Variants in KIAA1217 observed in about 807,000 individuals in gnomAD.
The protein encoded by KIAA1217 is sickle tail protein homolog.
KIAA1217 carries 88 observed loss-of-function variants against 163.9 expected under a neutral mutation model. The observed-to-expected ratio is 0.54, with a 90% CI of 0.45 to 0.64. The LOEUF (loss-of-function observed/expected upper bound fraction) is 0.64. Among genes scored for constraint, KIAA1217 ranks in the 30% least tolerant of loss-of-function variants. The probability of loss-of-function intolerance (pLI) is 0.00; values close to 1 mark genes in which losing one functional copy is unlikely to be tolerated. For synonymous variants in KIAA1217, 903 were observed against 923.1 expected, an observed-to-expected ratio of 0.98 and a Z score of 0.39; for missense variants, 2,372 against 2,475.0, an observed-to-expected ratio of 0.96 and a Z score of 0.88.
chr10:23,805,876 C>T (rs557646756), intron 1 of KIAA1217, among the ~76,000 whole-genome samples: 4 of 150,590 alleles, frequency 2.7e-5, no homozygotes, highest in Non-Finnish European at 5.9e-5. Flanking sequence ...ATTAGCTGGG[C>T]GTGGTGGTGC....
rs912373763 is a variant in KIAA1217, at chr10:24,229,418, T to G, written c.354+9509T>G. Among the ~76,000 whole-genome samples the G allele has an allele frequency of 3.3e-5, 5 of 152,224 alleles. No individual in the cohort carries two copies. The South Asian group carries it at 1.0e-3, about 31-fold the overall frequency. On this transcript the variant is annotated intron_variant, in intron 2 of 20. Coordinates refer to ENST00000376454, the MANE Select transcript of KIAA1217 (RefSeq NM_019590.5). ...TTATTCTAATCCAATGGCGAAATGA[T>G]GGGAGAATAGCCACATGTAGTAGAA...
chr10:24,512,960 T>C (rs2069432056), intron 9 of KIAA1217, among the ~76,000 whole-genome samples: 1 of 152,180 alleles, frequency 6.6e-6, no homozygotes, highest in Admixed American at 6.5e-5. Flanking sequence ...CCTGTGCTGC[T>C]CCCTCTAAAG....
chr10:24,003,794 T>C (rs1414726135), intron 1 of KIAA1217, among the ~76,000 whole-genome samples: 2 of 152,168 alleles, frequency 1.3e-5, no homozygotes, highest in African/African-American at 4.8e-5. Context: ...AACAGGAAAA[T>C]TGTGTTCATT....
intron 1 of KIAA1217, among the ~76,000 whole-genome samples, chr10:23,867,452 T>C: frequency 6.6e-6 from 1 of 152,164 alleles, no homozygotes; most frequent in Non-Finnish European, 1.5e-5. Context: ...GTTGAACTAG[T>C]TTACAGTCCC....
At position 24,545,825 on chromosome 10, in the gene KIAA1217, A is replaced by C. The variant is rs772723973; in HGVS notation, c.5335-2A>C. 1 of 1,574,528 alleles carries C rather than the reference A, an allele frequency of 6.4e-7. No homozygotes were observed. Among genetic ancestry groups the C allele is most frequent in the Admixed American group, 1.8e-5 (1 of 54,294 alleles). ...AATGTCTCCCGCCATCTTTATTTGC[A>C]GGCTAATGGAAGTGCTAAGAAATCT... is the stretch of plus-strand genomic sequence containing the variant. On this transcript the variant is annotated splice_acceptor_variant, in intron 20 of 20. Transcript: ENST00000376454. LOFTEE classifies it high-confidence loss of function.
intron 11 of KIAA1217, among the ~76,000 whole-genome samples, chr10:24,520,645 A>AT (rs1166258106): frequency 1.0e-4 from 9 of 86,466 alleles, no homozygotes; most frequent in East Asian, 8.3e-4. Context: ...AAAAAAAAAA[A>AT]AAAAAAATAT....
chr10:24,139,208 C>T (rs1373907299), intron 2 of KIAA1217, among the ~76,000 whole-genome samples: 1 of 151,972 alleles, frequency 6.6e-6, no homozygotes, highest in Non-Finnish European at 1.5e-5. Context: ...ACTTCTACTT[C>T]CCTAGTTTAT....
intron 2 of KIAA1217, among the ~76,000 whole-genome samples, chr10:24,142,157 A>G (rs996496464): frequency 6.6e-6 from 1 of 151,988 alleles, no homozygotes; most frequent in African/African-American, 2.4e-5. Context: ...TTAGATTTTC[A>G]TCAGAAATAC....
chr10:23,801,674 T>C (rs1245610190), intron 1 of KIAA1217, among the ~76,000 whole-genome samples: 2 of 152,160 alleles, frequency 1.3e-5, no homozygotes, highest in African/African-American at 2.4e-5. Context: ...ATTGTCTCGT[T>C]TACTCTGCAC....
chr10:23,950,532 G>T (rs1277291445), intron 1 of KIAA1217, among the ~76,000 whole-genome samples: 1 of 151,924 alleles, frequency 6.6e-6, no homozygotes, highest in African/African-American at 2.4e-5. Context: ...AATTGGGCCG[G>T]GCCTGCTCTA....
intron 2 of KIAA1217, among the ~76,000 whole-genome samples, chr10:24,171,918 G>A (rs188211312): frequency 2.8e-4 from 42 of 152,284 alleles, no homozygotes; most frequent in Admixed American, 5.2e-4. Context: ...AGCTAGGAAC[G>A]GTAGGGAGGA....
At chr10:24,196,685 A>C (rs925120166) in intron 2 of KIAA1217, among the ~76,000 whole-genome samples, 6 of 152,144 alleles carry the variant, frequency 3.9e-5, no homozygotes, top group Admixed American at 3.9e-4. Flanking sequence ...GTCCCCTTGG[A>C]CTTCTCCATT....
chr10:24,410,523 T>C (rs1028776773), intron 3 of KIAA1217, among the ~76,000 whole-genome samples: 1 of 152,220 alleles, frequency 6.6e-6, no homozygotes, highest in Non-Finnish European at 1.5e-5. Flanking sequence ...GTTTTAACAG[T>C]AATGATACCC....
intron 1 of KIAA1217, among the ~76,000 whole-genome samples, chr10:23,883,136 C>T (rs1045559701): frequency 2.6e-5 from 4 of 152,026 alleles, no homozygotes; most frequent in African/African-American, 9.6e-5. Flanking sequence ...TTTCAAGAGT[C>T]AGCCAAATAA....
At chr10:23,861,348 G>A (rs909206325) in intron 1 of KIAA1217, among the ~76,000 whole-genome samples, 2 of 152,184 alleles carry the variant, frequency 1.3e-5, no homozygotes, top group African/African-American at 4.8e-5. Flanking sequence ...CAGACACAGT[G>A]ACTTTATAGT....
At chr10:23,791,188 A>G (rs561917461) in intron 1 of KIAA1217, among the ~76,000 whole-genome samples, 30 of 152,324 alleles carry the variant, frequency 2.0e-4, no homozygotes, top group Admixed American at 7.8e-4. Flanking sequence ...TAATCATATG[A>G]TTTCTGGTCA....
chr10:24,027,026 T>G (rs1441905749), intron 2 of KIAA1217, among the ~76,000 whole-genome samples: 1 of 152,134 alleles, frequency 6.6e-6, no homozygotes, highest in Non-Finnish European at 1.5e-5. Flanking sequence ...GTTATTGAGA[T>G]GTTTGTTGTT....
At chr10:24,209,362 A>AG (rs1209954502) in intron 1 of KIAA1217, 99 bp downstream of exon 1, 10 of 604,846 alleles carry the variant, frequency 1.7e-5, no homozygotes, top group Non-Finnish European at 2.6e-5. Flanking sequence ...CGGCAAAGGA[A>AG]AAAAAAAAAA....
chr10:23,748,439 TGGAAGGAAGGAAGGAAGGAAGCAAGGAA>T (rs1239379809), intron 1 of KIAA1217, among the ~76,000 whole-genome samples: 11 of 133,760 alleles, frequency 8.2e-5, no homozygotes, highest in Non-Finnish European at 1.7e-4. Context: ...GAAATGCTTC[TGGAAGGAAGGAAGGAAGGAAGCAAGGAA>T]GGAAGGAAGG....
Sources: gnomAD v4.1 joint callset for allele counts (sites outside exome capture counted in the v4.1 genomes callset) on GRCh38, gnomAD v4.1.1 for gene constraint, MANE v1.5 for transcripts, NCBI Gene and HGNC (gene_info 2026-07-23, HGNC 2026-07-21) for gene names.